Variants in GALNT15 observed in about 807,000 individuals in gnomAD.
The protein encoded by GALNT15 is UDP-GalNAc transferase T15.
In GALNT15, 67 loss-of-function variants were observed where a neutral mutation model predicts 66.8. The ratio of observed to expected loss-of-function variants is 1.00; its 90% CI spans 0.82 to 1.23. The LOEUF is 1.23. Among genes scored for constraint, GALNT15 ranks in the 50% most tolerant of loss-of-function variants. The pLI, the probability that GALNT15 is intolerant of heterozygous loss-of-function variation, is 0.00. For synonymous variants in GALNT15, 313 were observed against 311.5 expected, an observed-to-expected ratio of 1.00 and a Z score of -0.05; for missense variants, 827 against 804.3, an observed-to-expected ratio of 1.03 and a Z score of -0.34.
chr3:16,176,095 C>T lies in GALNT15; in HGVS notation c.539+405C>T, dbSNP rs754898448. The stretch of plus-strand genomic sequence containing the variant: ...AAGGGAGGTTAGAGCAGACATTTGC[C>T]AGTTCTAACACTCTGACTCCACTAC... On this transcript the variant is annotated intron_variant, in intron 1 of 9. Transcript: ENST00000339732. This position sits in a 1 kb window ranked among gnomAD's most constrained non-coding sequence, Gnocchi z 5.6. Among the ~76,000 whole-genome samples the T allele has an allele frequency of 2.0e-5, 3 of 152,166 alleles. No homozygotes were observed. The highest frequency in any genetic ancestry group is 4.4e-5 in the Non-Finnish European group (3 of 68,030).
At chr3:16,226,144 A>G (rs551627257) in intron 9 of GALNT15, among the ~76,000 whole-genome samples, 1 of 152,298 alleles carries the variant, frequency 6.6e-6, no homozygotes, top group African/African-American at 2.4e-5. Flanking sequence ...AGAATAGGAA[A>G]ATCCATAAAT....
Position 16,208,523 on chromosome 3 carries a change from T to G in GALNT15, c.932T>G (p.Val311Gly). The change falls in exon 4 of 10, where the codon GTG becomes GGG. Residue 311 changes from valine to glycine, a missense_variant. By Grantham distance (109) the Val-to-Gly change is moderately radical (BLOSUM62 -3). Transcript: ENST00000339732. ...TCCAGGAGCCGAGTGGTATCTCCGG[T>G]GATAGATGTGATTGACTGGAAGACT... ...AGDRSRVVSP[V>G]IDVIDWKTFQ... is the part of the protein sequence containing the mutation. 1 of 1,614,040 alleles carries G rather than the reference T, an allele frequency of 6.2e-7. No homozygotes were observed. Among genetic ancestry groups the G allele is most frequent in the Non-Finnish European group, 8.5e-7 (1 of 1,179,968 alleles).
chr3:16,244,148 C>A, the GALNT15 span: 1 of 344,078 alleles, frequency 2.9e-6, no homozygotes, highest in Non-Finnish European at 4.1e-6. Context: ...CTTTTGAAGT[C>A]TGGCAGAGAC....
rs557094713 is a variant in GALNT15 at position 16,225,257 on chromosome 3, C to T, written c.1774-2097C>T. Among the ~76,000 whole-genome samples, 7 of 152,316 alleles carry T rather than the reference C, an allele frequency of 4.6e-5. No homozygotes were observed. The highest frequency in any genetic ancestry group is 6.5e-5 in the Admixed American group (1 of 15,300). ...CTGTCCCCATGATCCAAACATCCCCCACCAAACCCCACCTCCAGCACTGGG... is the reference window on the plus strand; with the variant it reads ...CTGTCCCCATGATCCAAACATCCCCTACCAAACCCCACCTCCAGCACTGGG... On this transcript the variant is annotated intron_variant, in intron 9 of 9. Transcript: ENST00000339732. The surrounding 1 kb of genome is among the most constrained non-coding windows in gnomAD (Gnocchi z 4.4).
rs1397086104 is a variant in GALNT15, at chr3:16,181,472, G to A, written c.539+5782G>A. On this transcript the variant is annotated intron_variant, in intron 1 of 9. Transcript: ENST00000339732. This position sits in a 1 kb window ranked among gnomAD's most constrained non-coding sequence, Gnocchi z 5.9. Reference sequence around the variant, plus strand: ...ATAATGGGCAAGGGGTCAGAGGGAAGGGCAGGGGCGGGAGAGTCGCCTTGG... The same window carrying A: ...ATAATGGGCAAGGGGTCAGAGGGAAAGGCAGGGGCGGGAGAGTCGCCTTGG... Among the ~76,000 whole-genome samples, 1 of 152,068 alleles carries A rather than the reference G, an allele frequency of 6.6e-6. No homozygotes were observed. The highest frequency in any genetic ancestry group is 1.5e-5 in the Non-Finnish European group (1 of 68,016).
chr3:16,248,197 G>T, the GALNT15 span, among the ~76,000 whole-genome samples: 1 of 152,226 alleles, frequency 6.6e-6, no homozygotes, highest in Non-Finnish European at 1.5e-5. The surrounding 1 kb of genome is among the most constrained non-coding windows in gnomAD (Gnocchi z 4.9). Context: ...GCCTTAGCCA[G>T]CAGGCAAATA....
rs2063516094 is a variant in GALNT15, at chr3:16,186,315, T to C, written c.540-9445T>C. Among the ~76,000 whole-genome samples the C allele has an allele frequency of 6.6e-6, 1 of 152,160 alleles. No individual in the cohort carries two copies. Among genetic ancestry groups the C allele is most frequent in the South Asian group, 2.1e-4 (1 of 4,824 alleles). ...AAGTGCTGACAAGGATGTGGAGAAA[T>C]TGGAACCCTCACACATTGCTGGTGG... On this transcript the variant is annotated intron_variant, in intron 1 of 9. Transcript: ENST00000339732. This position sits in a 1 kb window ranked among gnomAD's most constrained non-coding sequence, Gnocchi z 5.1.
Position 16,189,947 on chromosome 3 carries a change from C to T in GALNT15, c.540-5813C>T, listed in dbSNP as rs1271820434. Among the ~76,000 whole-genome samples, 4 of 152,166 alleles carry T rather than the reference C, an allele frequency of 2.6e-5. No individual in the cohort carries two copies. Among genetic ancestry groups the T allele is most frequent in the African/African-American group, 9.7e-5 (4 of 41,422 alleles). On this transcript the variant is annotated intron_variant, in intron 1 of 9. Transcript: ENST00000339732. This position sits in a 1 kb window ranked among gnomAD's most constrained non-coding sequence, Gnocchi z 5.1. Reference sequence around the variant, plus strand: ...GTTCTCAGAGAGCTTATGGTACTTGCCCAGGTCACATAAGGACAGACTGGG... The same window carrying T: ...GTTCTCAGAGAGCTTATGGTACTTGTCCAGGTCACATAAGGACAGACTGGG...
At chr3:16,197,902 T>TGGAGCACAGGCTGCA (rs1491225791) in intron 2 of GALNT15, among the ~76,000 whole-genome samples, 4 of 145,074 alleles carry the variant, frequency 2.8e-5, no homozygotes, top group African/African-American at 1.0e-4. Flanking sequence ...ACCATCGCAG[T>TGGAGCACAGGCTGCA]CTGGAAGTTC....
Position 16,225,407 on chromosome 3 carries a change from A to T in GALNT15, c.1774-1947A>T, listed in dbSNP as rs541436472. 2.0e-5 allele frequency among the ~76,000 whole-genome samples: 3 copies of T among 152,298 alleles called. No homozygotes were observed. Among genetic ancestry groups the T allele is most frequent in the African/African-American group, 7.2e-5 (3 of 41,574 alleles). On this transcript the variant is annotated intron_variant, in intron 9 of 9. Coordinates refer to ENST00000339732, the MANE Select transcript of GALNT15 (RefSeq NM_054110.5). This position sits in a 1 kb window ranked among gnomAD's most constrained non-coding sequence, Gnocchi z 4.4. Reference sequence around the variant, plus strand: ...TATGTGTTTTTATCACAATTTTTTTAAAAAAGAGGCCAGGCTCAATGGCTC... The same window carrying T: ...TATGTGTTTTTATCACAATTTTTTTTAAAAAGAGGCCAGGCTCAATGGCTC...
At chr3:16,208,183 A>G (rs1410884768) in intron 3 of GALNT15, among the ~76,000 whole-genome samples, 1 of 152,246 alleles carries the variant, frequency 6.6e-6, no homozygotes, top group Non-Finnish European at 1.5e-5. Context: ...AAATACTTCT[A>G]ATAGTCACAT....
In GALNT15 at chr3:16,193,675, C is replaced by T. The variant is rs2063603591; in HGVS notation, c.540-2085C>T. Among the ~76,000 whole-genome samples the T allele has an allele frequency of 6.6e-6, 1 of 152,164 alleles. No individual in the cohort carries two copies. On this transcript the variant is annotated intron_variant, in intron 1 of 9. Transcript: ENST00000339732. This position sits in a 1 kb window ranked among gnomAD's most constrained non-coding sequence, Gnocchi z 4.7. Reference sequence around the variant, plus strand: ...TAGGGAGCAGCAAGAGTTGGCACATCTTAGAAGGTGTTTCCCTCAGACAGG... The same window carrying T: ...TAGGGAGCAGCAAGAGTTGGCACATTTTAGAAGGTGTTTCCCTCAGACAGG...
At chr3:16,177,103 A>G (rs891117193) in intron 1 of GALNT15, among the ~76,000 whole-genome samples, 1 of 152,246 alleles carries the variant, frequency 6.6e-6, no homozygotes, top group African/African-American at 2.4e-5. Flanking sequence ...TGTATTTATC[A>G]GTCGAATGCC....
In GALNT15 at chr3:16,198,256, C is replaced by T. The variant is rs551043851; in HGVS notation, c.706+2330C>T. Among the ~76,000 whole-genome samples the T allele has an allele frequency of 2.7e-4, 38 of 142,382 alleles. 6 individuals are homozygous for T. Among genetic ancestry groups the T allele is most frequent in the African/African-American group, 7.8e-4 (30 of 38,296 alleles). 93.4% of individuals were successfully genotyped at this position (142,382 alleles called of 152,430 possible). ...AGTAGTTTTGGCCTCATAATCACAA[C>T]AGGGCTGCTCTACCTCTGGACATCA... On this transcript the variant is annotated intron_variant, in intron 2 of 9. Transcript: ENST00000339732.
At position 16,198,259 on chromosome 3, in the gene GALNT15, G is replaced by A. The variant is rs1407780260; in HGVS notation, c.706+2333G>A. Among the ~76,000 whole-genome samples, 2 of 141,804 alleles carry A rather than the reference G, an allele frequency of 1.4e-5. 1 individual carries two copies. The highest frequency in any genetic ancestry group is 3.1e-5 in the Non-Finnish European group (2 of 64,194). 93.0% of individuals were successfully genotyped at this position (141,804 alleles called of 152,430 possible). On this transcript the variant is annotated intron_variant, in intron 2 of 9. Coordinates refer to ENST00000339732, the MANE Select transcript of GALNT15 (RefSeq NM_054110.5). ...AGTTTTGGCCTCATAATCACAACAG[G>A]GCTGCTCTACCTCTGGACATCACAT... is the stretch of plus-strand genomic sequence containing the variant.
At position 16,227,322 on chromosome 3, in the gene GALNT15, G is replaced by C; in HGVS notation, c.1774-32G>C. On this transcript the variant is annotated intron_variant, in intron 9 of 9. Coordinates refer to ENST00000339732, the MANE Select transcript of GALNT15 (RefSeq NM_054110.5). This position sits in a 1 kb window ranked among gnomAD's most constrained non-coding sequence, Gnocchi z 4.5. ...TTTGCTGACTGATTGTGGGGGACTG[G>C]TTTTCTTTTCTTTTTTCCTTTCTCT... 6.3e-7 allele frequency: 1 copy of C among 1,596,964 alleles called. No individual in the cohort carries two copies. The highest frequency in any genetic ancestry group is 1.1e-5 in the South Asian group (1 of 87,426).
At chr3:16,190,131 C>T (rs1263638408) in intron 1 of GALNT15, among the ~76,000 whole-genome samples, 1 of 152,242 alleles carries the variant, frequency 6.6e-6, no homozygotes, top group Admixed American at 6.5e-5. Context: ...TGGTTCTGTG[C>T]TGCCACCTGG....
chr3:16,194,856 G>A (rs1041569660), intron 1 of GALNT15, among the ~76,000 whole-genome samples: 2 of 152,164 alleles, frequency 1.3e-5, no homozygotes, highest in Admixed American at 1.3e-4. Flanking sequence ...GAGAGCATCA[G>A]GATAAATAAC....
chr3:16,178,513 C>T (rs749681894), intron 1 of GALNT15, among the ~76,000 whole-genome samples: 1 of 152,194 alleles, frequency 6.6e-6, no homozygotes, highest in Non-Finnish European at 1.5e-5. Flanking sequence ...GTGCTCAGCG[C>T]CCTCTGCTGG....
Sources: gnomAD v4.1 joint callset for allele counts (sites outside exome capture counted in the v4.1 genomes callset) on GRCh38, gnomAD v4.1.1 for gene constraint, Gnocchi (gnomAD v3.1) non-coding constraint, MANE v1.5 for transcripts, NCBI Gene and HGNC (gene_info 2026-07-23, HGNC 2026-07-21) for gene names.